MAF: variants seen among roughly 807,000 people sequenced by gnomAD.
MAF encodes MAF bZIP transcription factor.
MAF carries 10 observed loss-of-function variants against 22.0 expected under a neutral mutation model. The observed-to-expected ratio is 0.45, with a 90% CI of 0.28 to 0.77. The LOEUF (loss-of-function observed/expected upper bound fraction) is 0.77. Among genes scored for constraint, MAF ranks in the 30% least tolerant of loss-of-function variants. The pLI is 0.12. For synonymous variants in MAF, 337 were observed against 255.8 expected (o/e 1.32, Z -3.03); for missense variants, 544 against 548.4 (o/e 0.99, Z 0.08).
At chr16:79,528,668 AAAAG>A in the MAF span, among the ~76,000 whole-genome samples, 2 of 152,108 alleles carry the variant, frequency 1.3e-5, no homozygotes, top group African/African-American at 4.8e-5. Context: ...GAAAAAAAAA[AAAAG>A]AAAGGCAAGA....
At chr16:79,328,624 T>C in the MAF span, among the ~76,000 whole-genome samples, 3 of 152,204 alleles carry the variant, frequency 2.0e-5, no homozygotes, top group Admixed American at 6.5e-5. Flanking sequence ...ACAAAGCTTA[T>C]TGAGATTGGG....
chr16:79,231,622 C>CA, the MAF span, among the ~76,000 whole-genome samples: 2 of 151,808 alleles, frequency 1.3e-5, 1 homozygote, highest in Non-Finnish European at 2.9e-5. Context: ...TCTTATGTTG[C>CA]AAAAAGAAGA....
chr16:79,498,463 G>A, the MAF span, among the ~76,000 whole-genome samples: 2 of 152,212 alleles, frequency 1.3e-5, no homozygotes, highest in African/African-American at 2.4e-5. Flanking sequence ...TTCTTAGCTT[G>A]TCAGCAATGG....
chr16:79,297,758 G>T, the MAF span, among the ~76,000 whole-genome samples: 2 of 152,152 alleles, frequency 1.3e-5, no homozygotes, highest in South Asian at 4.1e-4. Context: ...GGAAATGTGG[G>T]GCTGCGTGCC....
chr16:79,384,468 A>G, the MAF span, among the ~76,000 whole-genome samples: 1 of 150,112 alleles, frequency 6.7e-6, no homozygotes, highest in East Asian at 2.0e-4. Flanking sequence ...AAAAAAAAAA[A>G]AGGGAGCGGC....
At chr16:79,220,945 A>T in the MAF span, among the ~76,000 whole-genome samples, 1 of 152,100 alleles carries the variant, frequency 6.6e-6, no homozygotes, top group East Asian at 1.9e-4. Context: ...TGGGTATGCA[A>T]CTCTCTTTCC....
At chr16:79,287,428 A>G in the MAF span, among the ~76,000 whole-genome samples, 1 of 152,154 alleles carries the variant, frequency 6.6e-6, no homozygotes, top group Non-Finnish European at 1.5e-5. Context: ...GTGAGTCCAC[A>G]CTGGAAGCTT....
At chr16:79,240,356 C>G in the MAF span, among the ~76,000 whole-genome samples, 1 of 151,086 alleles carries the variant, frequency 6.6e-6, no homozygotes, top group Non-Finnish European at 1.5e-5. Context: ...TTTAACTAAA[C>G]TCCTCATCCC....
chr16:79,479,135 C>T, the MAF span, among the ~76,000 whole-genome samples: 1 of 152,088 alleles, frequency 6.6e-6, no homozygotes, highest in East Asian at 1.9e-4. Flanking sequence ...TTCTGGTGCA[C>T]CTGTGCACCA....
chr16:79,454,241 A>G, the MAF span, among the ~76,000 whole-genome samples: 1 of 152,220 alleles, frequency 6.6e-6, no homozygotes, highest in Non-Finnish European at 1.5e-5. Flanking sequence ...CCAGAGCCCA[A>G]GCCCATAAGC....
chr16:79,279,683 C>T, the MAF span, among the ~76,000 whole-genome samples: 4 of 152,186 alleles, frequency 2.6e-5, no homozygotes, highest in Non-Finnish European at 5.9e-5. Flanking sequence ...CAGTTCCTCT[C>T]CTAATGGCAT....
the MAF span, among the ~76,000 whole-genome samples, chr16:79,522,629 C>G: frequency 4.6e-4 from 70 of 152,254 alleles, 1 homozygote; most frequent in Middle Eastern, 3.4e-3. Flanking sequence ...GTTCATGCAT[C>G]CAAAGGCAAA....
chr16:79,332,023 T>C, the MAF span, among the ~76,000 whole-genome samples: 4 of 152,246 alleles, frequency 2.6e-5, no homozygotes, highest in Admixed American at 2.6e-4. Flanking sequence ...CTTTAGAACA[T>C]CTGCTCTAGG....
At chr16:79,358,344 G>A in the MAF span, among the ~76,000 whole-genome samples, 4 of 152,156 alleles carry the variant, frequency 2.6e-5, no homozygotes, top group Non-Finnish European at 2.9e-5. Flanking sequence ...ACATCAGTAT[G>A]ACCTCCAAGG....
the MAF span, among the ~76,000 whole-genome samples, chr16:79,278,917 G>A: frequency 1.1e-3 from 165 of 152,324 alleles, no homozygotes; most frequent in Non-Finnish European, 2.2e-3. Context: ...GGTTCCTGGG[G>A]AATGGGGCCA....
chr16:79,248,888 C>T, the MAF span, among the ~76,000 whole-genome samples: 1 of 152,118 alleles, frequency 6.6e-6, no homozygotes, highest in African/African-American at 2.4e-5. Flanking sequence ...AAAGAATCCA[C>T]TCTGTCAGCC....
downstream of MAF, among the ~76,000 whole-genome samples, chr16:79,593,012 G>C (rs1285814153): frequency 1.3e-5 from 2 of 152,126 alleles, no homozygotes; most frequent in Non-Finnish European, 2.9e-5. Flanking sequence ...GCTGAAGGTT[G>C]TCACTCATGT....
the MAF span, among the ~76,000 whole-genome samples, chr16:79,526,337 A>C: frequency 6.6e-6 from 1 of 152,184 alleles, no homozygotes; most frequent in Non-Finnish European, 1.5e-5. Flanking sequence ...CACAGCTCAT[A>C]ATAGGGTTCG....
At chr16:79,335,594 T>C in the MAF span, among the ~76,000 whole-genome samples, 2 of 151,828 alleles carry the variant, frequency 1.3e-5, no homozygotes, top group Non-Finnish European at 2.9e-5. Context: ...AGAAAGTCTG[T>C]GAGACAGAGC....
Sources: allele counts gnomAD v4.1 joint callset (sites outside exome capture counted in the v4.1 genomes callset), GRCh38; gene constraint gnomAD v4.1.1; transcripts MANE v1.5; gene names NCBI Gene and HGNC (gene_info 2026-07-23, HGNC 2026-07-21).